The following DIS3 variants were observed in gnomAD, a reference collection of about 807,000 sequenced individuals.
DIS3 encodes the protein exosome complex exonuclease RRP44.
Under a neutral mutation model 113.0 loss-of-function variants are expected in DIS3, and 103 were observed. The observed-to-expected ratio is 0.91, with a 90% CI of 0.78 to 1.07. DIS3 has a LOEUF of 1.07. Among genes scored for constraint, DIS3 ranks in the 50% least tolerant of loss-of-function variants. The probability of loss-of-function intolerance (pLI) is 0.00; values close to 1 mark genes in which losing one functional copy is unlikely to be tolerated. For missense variants in DIS3, 1,121 were observed against 1,167.1 expected (o/e 0.96, Z 0.58); for synonymous variants, 402 against 394.3 (o/e 1.02, Z -0.23).
At chr13:72,762,946 A>C (rs2033661211) in intron 16 of DIS3, among the ~76,000 whole-genome samples, 1 of 152,182 alleles carries the variant, frequency 6.6e-6, no homozygotes, top group Non-Finnish European at 1.5e-5. Flanking sequence ...TTATATGACC[A>C]GGATGCTGCA....
chr13:72,778,133 T>C, intron 3 of DIS3, 54 bp downstream of exon 3: 1 of 1,444,924 alleles, frequency 6.9e-7, no homozygotes, highest in East Asian at 2.3e-5. Flanking sequence ...GCCTAATGAT[T>C]ATTTTTACAC....
intron 13 of DIS3, among the ~76,000 whole-genome samples, 172 bp downstream of exon 13, chr13:72,770,732 T>C (rs2033865297): frequency 6.6e-6 from 1 of 152,116 alleles, no homozygotes; most frequent in Admixed American, 6.5e-5. Context: ...TTTTCTATTT[T>C]AGGTTAAGTA....
chr13:72,780,759 A>C, intron 2 of DIS3, 87 bp downstream of exon 2: 1 of 1,235,626 alleles, frequency 8.1e-7, no homozygotes. Context: ...TTATCTTCTG[A>C]CAATGTCATA....
At chr13:72,781,030 C>G (rs1244291424) in intron 1 of DIS3, 27 bp from the exon 2 acceptor site, 1 of 1,578,852 alleles carries the variant, frequency 6.3e-7, no homozygotes, top group Non-Finnish European at 8.6e-7. Flanking sequence ...GTTAATTTTT[C>G]CTATATTCAT....
Position 72,753,117 on chromosome 13 carries a change from G to C in DIS3, c.*6678C>G, listed in dbSNP as rs921460790. ...ATAGAGATAGTGCCTGGCCTTTTTAGACACTCAATAAATGTTTCCAAGCTG... is the reference window on the plus strand; with the variant it reads ...ATAGAGATAGTGCCTGGCCTTTTTACACACTCAATAAATGTTTCCAAGCTG... On this transcript the variant is annotated 3_prime_UTR_variant, in exon 21 of 21. Transcript: ENST00000377767. 6.6e-6 allele frequency: 1 copy of C among 152,202 alleles called. No individual in the cohort carries two copies. Among genetic ancestry groups the C allele is most frequent in the Non-Finnish European group, 1.5e-5 (1 of 68,058 alleles). 9.4% of individuals were successfully genotyped at this position (152,202 alleles called of 1,614,324 possible).
In DIS3 at chr13:72,770,995, A is replaced by G; in HGVS notation, c.1671-7T>C. On this transcript the variant is annotated splice_polypyrimidine_tract_variant and splice_region_variant and intron_variant, in intron 12 of 20. Transcript: ENST00000377767. Reference sequence around the variant, plus strand: ...AATACATGAAAATGCCAGCCTGTGAAGGAAAATACAGAGTATTTGTTAATG... The same window carrying G: ...AATACATGAAAATGCCAGCCTGTGAGGGAAAATACAGAGTATTTGTTAATG... 1.2e-6 allele frequency: 2 copies of G among 1,605,504 alleles called. No individual in the cohort carries two copies. Among genetic ancestry groups the G allele is most frequent in the South Asian group, 2.2e-5 (2 of 89,232 alleles).
At position 72,756,393 on chromosome 13, in the gene DIS3, T is replaced by C. The variant is rs1428902921; in HGVS notation, c.*3402A>G. On this transcript the variant is annotated 3_prime_UTR_variant, in exon 21 of 21. Coordinates refer to ENST00000377767, the MANE Select transcript of DIS3 (RefSeq NM_014953.5). ...ACAGGTGTTAAACTCAATATAAATTTACCTAAAAACAATTGCTATACCTAA... is the reference window on the plus strand; with the variant it reads ...ACAGGTGTTAAACTCAATATAAATTCACCTAAAAACAATTGCTATACCTAA... 1 of 153,708 alleles carries C rather than the reference T, an allele frequency of 6.5e-6. No individual in the cohort carries two copies. The highest frequency in any genetic ancestry group is 1.4e-5 in the Non-Finnish European group (1 of 69,140). The allele number at this position is 153,708 out of a possible 1,614,324, so 9.5% of individuals were successfully genotyped here. A position where few individuals can be genotyped will look rare whatever the true frequency, so the allele number is the denominator to read the frequency against.
rs978406253 is a variant in DIS3, at chr13:72,781,543, T to TCCC, written c.228+59_228+61dup. On this transcript the variant is annotated intron_variant, in intron 1 of 20. Transcript: ENST00000377767. ...AGACCCGCCTCCCTGGGCCTCAGTT[T>TCCC]CCCTGTCATACCCCCTTGTCCCCGT... The TCCC allele has an allele frequency of 3.5e-5, 51 of 1,461,342 alleles. No homozygotes were observed. The Middle Eastern group carries it at 1.3e-3, about 36-fold the overall frequency. 90.5% of individuals were successfully genotyped at this position (1,461,342 alleles called of 1,614,324 possible). A position where few individuals can be genotyped will look rare whatever the true frequency, so the allele number is the denominator to read the frequency against.
At chr13:72,774,196 T>C (rs538918139) in intron 6 of DIS3, 137 bp from the exon 7 acceptor site, 1 of 547,758 alleles carries the variant, frequency 1.8e-6, no homozygotes, top group Admixed American at 3.7e-5. Context: ...AGAATGTTGA[T>C]GTTTCAACAT....
chr13:72,770,353 TG>T (rs1284391327), intron 13 of DIS3, among the ~76,000 whole-genome samples: 1 of 152,164 alleles, frequency 6.6e-6, no homozygotes, highest in Non-Finnish European at 1.5e-5. Context: ...ACCTAGCCCT[TG>T]TTTTTCTGCC....
chr13:72,781,521 C>T (rs2034221764), intron 1 of DIS3, 84 bp downstream of exon 1: 1 of 1,447,140 alleles, frequency 6.9e-7, no homozygotes, highest in Non-Finnish European at 9.1e-7. Context: ...CTGCCAAAGA[C>T]CCGCCTCCCT....
At chr13:72,763,007 A>T (rs1394115693) in intron 16 of DIS3, among the ~76,000 whole-genome samples, 1 of 152,100 alleles carries the variant, frequency 6.6e-6, no homozygotes. Context: ...CTTTAAAAAC[A>T]TTAGGCTGGG....
chr13:72,777,419 C>A lies in DIS3; in HGVS notation c.654+1G>T. ...TTTTCAAAAACAAAACAAAAACATA[C>A]CCCTTCTTCAGACAAACAAGCAAGA... On this transcript the variant is annotated splice_donor_variant, in intron 4 of 20. Transcript: ENST00000377767. LOFTEE classifies it high-confidence loss of function. 3 of 1,613,780 alleles carry A rather than the reference C, an allele frequency of 1.9e-6. No individual in the cohort carries two copies. Among genetic ancestry groups the A allele is most frequent in the Non-Finnish European group, 2.5e-6 (3 of 1,179,808 alleles).
chr13:72,759,671 T>G lies in DIS3; in HGVS notation c.*124A>C. ...CAACTGTTCAATAAAAATGCAGATGTCTGAAATTATTAAAATGTACTTAAA... is the reference window on the plus strand; with the variant it reads ...CAACTGTTCAATAAAAATGCAGATGGCTGAAATTATTAAAATGTACTTAAA... On this transcript the variant is annotated 3_prime_UTR_variant, in exon 21 of 21. Coordinates refer to ENST00000377767, the MANE Select transcript of DIS3 (RefSeq NM_014953.5). 2 of 701,292 alleles carry G rather than the reference T, an allele frequency of 2.9e-6. No homozygotes were observed. The highest frequency in any genetic ancestry group is 4.7e-6 in the Non-Finnish European group (2 of 425,330). The allele number at this position is 701,292 out of a possible 1,614,324, so 43.4% of individuals were successfully genotyped here. A position where few individuals can be genotyped will look rare whatever the true frequency, so the allele number is the denominator to read the frequency against.
rs575285131 is a variant in DIS3 at position 72,760,552 on chromosome 13, G to C, written c.2770C>G (p.Arg924Gly). The C allele has an allele frequency of 8.1e-6, 13 of 1,613,426 alleles. No individual in the cohort carries two copies. Among genetic ancestry groups the C allele is most frequent in the African/African-American group, 4.0e-5 (3 of 74,980 alleles). The part of the protein sequence containing the change: ...DSSNLQHQKI[R>G]MSLVEPQIPG... Reference sequence around the variant, plus strand: ...ACCTGTGGTTCTACCAGGGACATTCGGATCTTCTGATGTTGAAGATTAGAT... The same window carrying C: ...ACCTGTGGTTCTACCAGGGACATTCCGATCTTCTGATGTTGAAGATTAGAT... Residue 924 changes from arginine to glycine, a missense_variant, in exon 20 of 21, where the codon CGA becomes GGA. Arg to Gly is a moderately radical substitution (Grantham distance 125). Around this residue, in one of 3 missense-constraint regions of DIS3, gnomAD observed 861 missense variants for 915.5 expected, o/e 0.94. Transcript: ENST00000377767.
At chr13:72,775,497 T>G in intron 5 of DIS3, 122 bp from the exon 6 acceptor site, 2 of 1,148,160 alleles carry the variant, frequency 1.7e-6, no homozygotes, top group South Asian at 5.2e-5. Flanking sequence ...CTATTTCTCC[T>G]TTATAGATTT....
In DIS3 at chr13:72,773,883, A is replaced by G; in HGVS notation, c.1102-62T>C. ...AAATCTGAGGATGGAGGCAAAAGAA[A>G]GGCTATAAGTTCTATTAAATGTTTA... On this transcript the variant is annotated intron_variant, in intron 7 of 20. Transcript: ENST00000377767. 3.1e-6 allele frequency: 5 copies of G among 1,591,990 alleles called. No individual in the cohort carries two copies. In the South Asian group the frequency reaches 4.6e-5, roughly 15 times the overall value.
chr13:72,771,019 T>C (rs1314481730), intron 12 of DIS3, 31 bp from the exon 13 acceptor site: 4 of 1,607,724 alleles, frequency 2.5e-6, no homozygotes, highest in Admixed American at 1.7e-5. Flanking sequence ...TATTTGTTAA[T>C]GGGAATCAGG....
At position 72,772,700 on chromosome 13, in the gene DIS3, G is replaced by A. The variant is rs771563272; in HGVS notation, c.1379C>T (p.Thr460Ile). ...AAATTACTTTCAACTTACCTTTTCA[G>A]TAATGCTCCAGGGCATCTTTGGCAG... ...SFLPKMPWSITEKDMKNREDL... is the reference protein window; with the variant it reads ...SFLPKMPWSIIEKDMKNREDL... The change falls in exon 9 of 21, where the codon ACT becomes ATT. Residue 460 changes from threonine to isoleucine, a missense_variant. By Grantham distance (89) the Thr-to-Ile change is moderately conservative (BLOSUM62 -1). Coordinates refer to ENST00000377767, the MANE Select transcript of DIS3 (RefSeq NM_014953.5). 10 of 1,606,474 alleles carry A rather than the reference G, an allele frequency of 6.2e-6. 1 individual carries two copies. The South Asian group carries it at 1.1e-4, about 18-fold the overall frequency.
Sources: gnomAD v4.1 joint callset for allele counts (sites outside exome capture counted in the v4.1 genomes callset) on GRCh38, gnomAD v4.1.1 for gene constraint, gnomAD v4.1.1 regional missense constraint, MANE v1.5 for transcripts, NCBI Gene and HGNC (gene_info 2026-07-23, HGNC 2026-07-21) for gene names.